The following FRMPD3 variants were observed in gnomAD, a reference collection of about 807,000 sequenced individuals.
FRMPD3 encodes FERM and PDZ domain containing 3.
Under a neutral mutation model 97.9 loss-of-function variants are expected in FRMPD3, and 42 were observed. That is an observed-to-expected ratio of 0.43 (90% confidence interval 0.34 to 0.55). The LOEUF (loss-of-function observed/expected upper bound fraction) is 0.55. FRMPD3 is among the 20% of genes least tolerant of loss of function. The pLI is 0.03. For synonymous variants in FRMPD3, 577 were observed against 581.1 expected (o/e 0.99, Z 0.10); for missense variants, 1,303 against 1,457.7 (o/e 0.89, Z 1.73).
intron 12 of FRMPD3, among the ~76,000 whole-genome samples, chrX:107,572,908 C>A (rs184472805): frequency 0.092 from 9,298 of 100,758 alleles, 479 homozygotes; most frequent in Middle Eastern, 0.13. Context: ...ACTACTACTA[C>A]TAATAATAAT....
At chrX:107,563,822 T>A (rs1012609296) in intron 11 of FRMPD3, among the ~76,000 whole-genome samples, 11 of 111,859 alleles carry the variant, frequency 9.8e-5, no homozygotes, top group African/African-American at 2.9e-4. Context: ...GTTTCCTGAG[T>A]CCTTCTACTT....
intron 1 of FRMPD3, among the ~76,000 whole-genome samples, chrX:107,451,973 C>T (rs746919599): frequency 9.4e-4 from 105 of 111,995 alleles, no homozygotes; most frequent in African/African-American, 2.9e-3. Flanking sequence ...TCCCCCGCCC[C>T]CTTAGATTAT....
chrX:107,580,354 A>G (rs1407720245), intron 13 of FRMPD3, among the ~76,000 whole-genome samples: 1 of 111,958 alleles, frequency 8.9e-6, no homozygotes, highest in East Asian at 2.8e-4. Context: ...GGCACTTCTA[A>G]TCTTCTGCCA....
chrX:107,467,941 C>T (rs1023648745), intron 1 of FRMPD3, among the ~76,000 whole-genome samples: 2 of 111,927 alleles, frequency 1.8e-5, no homozygotes, highest in African/African-American at 6.5e-5. Context: ...GTAGGCCCTT[C>T]TATCTTTCCT....
chrX:107,505,376 A>T (rs1451096823), intron 1 of FRMPD3, among the ~76,000 whole-genome samples: 1 of 111,764 alleles, frequency 8.9e-6, no homozygotes, highest in Non-Finnish European at 1.9e-5. Flanking sequence ...CCAGCCCTGT[A>T]ATTTTTCCAC....
At chrX:107,475,732 G>A (rs750767618) in intron 1 of FRMPD3, among the ~76,000 whole-genome samples, 1 of 112,299 alleles carries the variant, frequency 8.9e-6, no homozygotes, top group East Asian at 2.8e-4. Context: ...AAAGTTGTAT[G>A]GTGTAGCAGT....
At chrX:107,485,017 G>A (rs965838537) in intron 1 of FRMPD3, among the ~76,000 whole-genome samples, 1 of 112,492 alleles carries the variant, frequency 8.9e-6, no homozygotes, top group Non-Finnish European at 1.9e-5. Flanking sequence ...GGCAAGATGC[G>A]AGACTTATGA....
chrX:107,564,960 C>A lies in FRMPD3; in HGVS notation c.1190C>A (p.Thr397Asn). The change falls in exon 12 of 15, where the codon ACC (threonine) becomes AAC (asparagine). Residue 397 changes from threonine (T) to asparagine (N), a missense_variant. Thr to Asn is a moderately conservative substitution (Grantham distance 65, BLOSUM62 0). This residue lies in a region of FRMPD3 where 535 missense variants were observed against 618.6 expected (regional missense o/e 0.86). Coordinates refer to ENST00000683843, the MANE Select transcript of FRMPD3 (RefSeq NM_001388459.1). Reference protein sequence around the residue: ...HGISHVIDLKTNLTTVLSEFS... With the variant: ...HGISHVIDLKNNLTTVLSEFS... ...ATCAGCCATGTTATTGACCTCAAAA[C>A]CAACCTCACCACTGTGCTGTCCGAG... 8.3e-7 allele frequency: 1 copy of A among 1,210,373 alleles called. No individual in the cohort carries two copies. Among genetic ancestry groups the A allele is most frequent in the Non-Finnish European group, 1.1e-6 (1 of 895,127 alleles).
intron 4 of FRMPD3, among the ~76,000 whole-genome samples, chrX:107,542,626 C>G (rs1921366852): frequency 8.9e-6 from 1 of 112,282 alleles, no homozygotes; most frequent in Non-Finnish European, 1.9e-5. Context: ...AATGAGATTG[C>G]TGGCTCTGAC....
chrX:107,589,371 G>T (rs1450290020), intron 13 of FRMPD3, among the ~76,000 whole-genome samples: 1 of 110,729 alleles, frequency 9.0e-6, no homozygotes, highest in Non-Finnish European at 1.9e-5. Flanking sequence ...GCTGCTATTT[G>T]CTGGGGGTTC....
At chrX:107,538,401 G>A (rs1310136264) in intron 4 of FRMPD3, among the ~76,000 whole-genome samples, 2 of 109,557 alleles carry the variant, frequency 1.8e-5, no homozygotes, top group Admixed American at 9.8e-5. Flanking sequence ...TGTGTTCACA[G>A]CAGGCACTTG....
chrX:107,481,605 A>AT (rs1252192997), intron 1 of FRMPD3, among the ~76,000 whole-genome samples: 5 of 111,982 alleles, frequency 4.5e-5, no homozygotes, highest in Non-Finnish European at 9.4e-5. Context: ...AGCAAGAGAG[A>AT]GGGAGAGCTA....
chrX:107,595,779 A>C (rs1169596211), intron 13 of FRMPD3, among the ~76,000 whole-genome samples: 2 of 109,833 alleles, frequency 1.8e-5, no homozygotes, highest in African/African-American at 6.6e-5. Context: ...TCTACCAAAA[A>C]CACAAAAAAT....
chrX:107,601,178 C>T lies in FRMPD3; in HGVS notation c.3139C>T (p.Leu1047Phe). 1.7e-6 allele frequency: 2 copies of T among 1,210,371 alleles called. No individual in the cohort carries two copies. The highest frequency in any genetic ancestry group is 2.2e-6 in the Non-Finnish European group (2 of 895,043). The change falls in exon 15 of 15, where the codon CTC (leucine) becomes TTC (phenylalanine). Residue 1047 changes from leucine (L) to phenylalanine (F), a missense_variant. Physicochemically the swap from Leu to Phe is conservative, Grantham distance 22. Around this residue, in one of 3 missense-constraint regions of FRMPD3, gnomAD observed 764 missense variants for 820.2 expected, o/e 0.93. Coordinates refer to ENST00000683843, the MANE Select transcript of FRMPD3 (RefSeq NM_001388459.1). Reference sequence around the variant, plus strand: ...AGGCAGCCGGGCTGACAGCCTGCACCTCTCCCAACAAGAGGACAGTCTGCC... The same window carrying T: ...AGGCAGCCGGGCTGACAGCCTGCACTTCTCCCAACAAGAGGACAGTCTGCC... ...PTGSRADSLH[L>F]SQQEDSLPVQ...
chrX:107,517,178 C>A (rs112713790), intron 1 of FRMPD3, among the ~76,000 whole-genome samples: 1 of 111,699 alleles, frequency 9.0e-6, no homozygotes, highest in Non-Finnish European at 1.9e-5. Flanking sequence ...TGTAGATATG[C>A]GGCATTATTT....
chrX:107,502,320 G>C (rs1297180847), intron 1 of FRMPD3, among the ~76,000 whole-genome samples: 1 of 111,125 alleles, frequency 9.0e-6, no homozygotes, highest in Non-Finnish European at 1.9e-5. Context: ...CTATGAAGGA[G>C]GGAAAAAGAA....
chrX:107,513,809 G>A (rs1602766654), intron 1 of FRMPD3, among the ~76,000 whole-genome samples: 1 of 112,338 alleles, frequency 8.9e-6, no homozygotes, highest in Non-Finnish European at 1.9e-5. Flanking sequence ...AAAATACTAA[G>A]CACTTAATTG....
intron 8 of FRMPD3, among the ~76,000 whole-genome samples, chrX:107,557,999 T>C (rs1168858376): frequency 9.4e-6 from 1 of 106,363 alleles, no homozygotes; most frequent in Non-Finnish European, 1.9e-5. Flanking sequence ...TTGGCTATTA[T>C]AGGTCCTTTG....
chrX:107,457,567 T>C (rs1004478159), intron 1 of FRMPD3, among the ~76,000 whole-genome samples: 2 of 111,737 alleles, frequency 1.8e-5, no homozygotes, highest in Non-Finnish European at 3.8e-5. Flanking sequence ...TGTCTTTCCT[T>C]GATATTGGCT....
Sources: allele counts gnomAD v4.1 joint callset (sites outside exome capture counted in the v4.1 genomes callset), GRCh38; gene constraint gnomAD v4.1.1; regional missense constraint gnomAD v4.1.1; transcripts MANE v1.5; gene names NCBI Gene and HGNC (gene_info 2026-07-23, HGNC 2026-07-21).